LDB2: variants seen among roughly 807,000 people sequenced by gnomAD.
LDB2 encodes LIM domain binding 2.
In LDB2, 12 loss-of-function variants were observed where a neutral mutation model predicts 44.3. The observed-to-expected ratio is 0.27, with a 90% confidence interval of 0.17 to 0.44. The LOEUF is 0.44. Ranked by LOEUF, LDB2 falls within the 20% of genes least tolerant of loss-of-function variation. The probability of loss-of-function intolerance (pLI) is 1.00; values close to 1 mark genes in which losing one functional copy is unlikely to be tolerated. For synonymous variants in LDB2, 164 were observed against 174.8 expected (o/e 0.94, Z 0.49); for missense variants, 344 against 473.5 (o/e 0.73, Z 2.54).
intron 3 of LDB2, among the ~76,000 whole-genome samples, chr4:16,593,758 A>G (rs1284542620): frequency 6.6e-6 from 1 of 152,202 alleles, no homozygotes; most frequent in East Asian, 1.9e-4. Context: ...CACCTTAGAT[A>G]CCTGAACAAA....
chr4:16,729,796 C>A (rs1760356277), intron 2 of LDB2, among the ~76,000 whole-genome samples: 1 of 152,150 alleles, frequency 6.6e-6, no homozygotes, highest in Non-Finnish European at 1.5e-5. Context: ...TTCTAAGGAG[C>A]ACACAAAACT....
At position 16,558,907 on chromosome 4, in the gene LDB2, A is replaced by G. The variant is rs1740897767; in HGVS notation, c.615+27015T>C. On this transcript the variant is annotated intron_variant, in intron 5 of 7. Transcript: ENST00000304523. ...CAGAAGAGAGTGGGGGCCAATATTC[A>G]ACATTCTTAAAGAAAAGAATTTTCA... 3.9e-5 allele frequency among the ~76,000 whole-genome samples: 6 copies of G among 152,362 alleles called. No homozygotes were observed. In the South Asian group the frequency reaches 1.2e-3, roughly 32 times the overall value.
intron 1 of LDB2, among the ~76,000 whole-genome samples, chr4:16,807,799 A>G (rs547692957): frequency 7.9e-5 from 12 of 152,330 alleles, no homozygotes; most frequent in Admixed American, 6.5e-4. Context: ...ATTTGCATCT[A>G]TCCTTCCAAA....
At chr4:16,672,358 T>C (rs773606950) in intron 2 of LDB2, among the ~76,000 whole-genome samples, 3 of 152,132 alleles carry the variant, frequency 2.0e-5, no homozygotes, top group South Asian at 2.1e-4. Flanking sequence ...ATGCCTAGGT[T>C]GCAGGAAGGG....
chr4:16,864,017 G>A (rs1243709662), intron 1 of LDB2, among the ~76,000 whole-genome samples: 1 of 152,160 alleles, frequency 6.6e-6, no homozygotes, highest in African/African-American at 2.4e-5. Flanking sequence ...AAGCCCAGCT[G>A]CTGATGAGGA....
intron 1 of LDB2, among the ~76,000 whole-genome samples, chr4:16,878,676 C>T (rs1056361925): frequency 6.6e-6 from 1 of 152,216 alleles, no homozygotes; most frequent in Non-Finnish European, 1.5e-5. Context: ...CAAACACGGT[C>T]TGACCCCAAC....
intron 5 of LDB2, among the ~76,000 whole-genome samples, chr4:16,512,460 C>CAA (rs1722152893): frequency 2.0e-5 from 3 of 149,652 alleles, no homozygotes; most frequent in Admixed American, 2.0e-4. Flanking sequence ...CAAAACAAAA[C>CAA]AAAAACAAAC....
chr4:16,702,542 A>T (rs79362308), intron 2 of LDB2, among the ~76,000 whole-genome samples: 9,400 of 152,260 alleles, frequency 0.062, 517 homozygotes, highest in Admixed American at 0.16. Flanking sequence ...AGGTGAAAGA[A>T]GCTGCTTCTG....
rs1577199834 is a variant in LDB2, at chr4:16,501,938, GTCTT to G, written c.*701_*704del. Reference sequence around the variant, plus strand: ...TGCATAAATTCTTAAGGGTCCAATTGTCTTTCTTTACTTAAAAATCTGCCCTGGT... The same window carrying G: ...TGCATAAATTCTTAAGGGTCCAATTGTCTTTACTTAAAAATCTGCCCTGGT... On this transcript the variant is annotated 3_prime_UTR_variant, in exon 8 of 8. Transcript: ENST00000304523. The G allele has an allele frequency of 6.6e-6, 1 of 152,544 alleles. No individual in the cohort carries two copies. Among genetic ancestry groups the G allele is most frequent in the Non-Finnish European group, 1.5e-5 (1 of 68,020 alleles). 9.4% of individuals were successfully genotyped at this position (152,544 alleles called of 1,614,324 possible). A position where few individuals can be genotyped will look rare whatever the true frequency, so the allele number is the denominator to read the frequency against.
chr4:16,857,904 C>T (rs1347185201), intron 1 of LDB2, among the ~76,000 whole-genome samples: 3 of 152,026 alleles, frequency 2.0e-5, no homozygotes, highest in Non-Finnish European at 2.9e-5. Context: ...TATTTGTTTA[C>T]CGTCCCTCCC....
intron 2 of LDB2, among the ~76,000 whole-genome samples, chr4:16,699,851 C>T (rs1412259675): frequency 6.6e-6 from 1 of 152,092 alleles, no homozygotes; most frequent in Non-Finnish European, 1.5e-5. Context: ...CACTCCATTC[C>T]CAATATGGCG....
At chr4:16,529,156 G>T (rs1361113328) in intron 5 of LDB2, among the ~76,000 whole-genome samples, 5 of 152,126 alleles carry the variant, frequency 3.3e-5, no homozygotes, top group Non-Finnish European at 7.4e-5. Context: ...GGAAACCAGA[G>T]GGAATGAGTA....
rs143848986 is a variant in LDB2 at position 16,524,410 on chromosome 4, T to A, written c.616-12306A>T. ...GAGACATACAAAGATGAATTAGGAG[T>A]CAGCCAGGTGAAAGAGAAGATTCCT... On this transcript the variant is annotated intron_variant, in intron 5 of 7. Coordinates refer to ENST00000304523, the MANE Select transcript of LDB2 (RefSeq NM_001290.5). 9.1e-3 allele frequency among the ~76,000 whole-genome samples: 1,387 copies of A among 151,750 alleles called. 20 individuals are homozygous for A. The highest frequency in any genetic ancestry group is 0.03 in the African/African-American group (1,254 of 41,344).
chr4:16,663,600 T>G (rs1742203962), intron 2 of LDB2, among the ~76,000 whole-genome samples: 1 of 152,208 alleles, frequency 6.6e-6, no homozygotes, highest in African/African-American at 2.4e-5. Context: ...TCCGTGAAGC[T>G]CCTTGAAGGC....
intron 1 of LDB2, among the ~76,000 whole-genome samples, chr4:16,828,369 C>T (rs541428827): frequency 1.2e-4 from 18 of 152,262 alleles, no homozygotes; most frequent in Admixed American, 5.2e-4. Flanking sequence ...ATTTTGCTTA[C>T]GCTGTTTCCC....
intron 1 of LDB2, among the ~76,000 whole-genome samples, chr4:16,774,593 C>T (rs1705188868): frequency 6.6e-6 from 1 of 152,144 alleles, no homozygotes; most frequent in African/African-American, 2.4e-5. Context: ...AAGACACTAT[C>T]AGAGAGGTGA....
At chr4:16,631,201 A>G (rs1731846887) in intron 2 of LDB2, among the ~76,000 whole-genome samples, 1 of 152,198 alleles carries the variant, frequency 6.6e-6, no homozygotes, top group African/African-American at 2.4e-5. Flanking sequence ...ACTCCTCAGC[A>G]AAGGTAAAAG....
chr4:16,779,372 C>T (rs754094169), intron 1 of LDB2, among the ~76,000 whole-genome samples: 3 of 152,142 alleles, frequency 2.0e-5, no homozygotes, highest in East Asian at 3.9e-4. Flanking sequence ...AAACTAAGTG[C>T]GCTTTCGAAG....
At chr4:16,789,360 G>T (rs754891836) in intron 1 of LDB2, among the ~76,000 whole-genome samples, 6 of 152,200 alleles carry the variant, frequency 3.9e-5, no homozygotes, top group African/African-American at 1.4e-4. Context: ...AAAATGCAGT[G>T]AACCAGACAA....
Sources: allele counts gnomAD v4.1 joint callset (sites outside exome capture counted in the v4.1 genomes callset), GRCh38; gene constraint gnomAD v4.1.1; transcripts MANE v1.5; gene names NCBI Gene and HGNC (gene_info 2026-07-23, HGNC 2026-07-21).